Variants in IPO4 observed in about 807,000 individuals in gnomAD.
IPO4 encodes the protein importin 4, also known as importin-4.
A neutral mutation model predicts 133.5 loss-of-function variants in IPO4; 91 were observed. The observed-to-expected ratio is 0.68, with a 90% CI of 0.58 to 0.81. IPO4 has a LOEUF of 0.81. IPO4 is among the 30% of genes least tolerant of loss of function. The probability of loss-of-function intolerance (pLI) is 0.00; values close to 1 mark genes in which losing one functional copy is unlikely to be tolerated. For missense variants in IPO4, 1,279 were observed against 1,386.2 expected (o/e 0.92, Z 1.23); for synonymous variants, 607 against 581.6 (o/e 1.04, Z -0.63).
At chr14:24,184,607 C>T (rs554715093) in intron 16 of IPO4, 43 bp downstream of exon 16, 2 of 1,492,280 alleles carry the variant, frequency 1.3e-6, no homozygotes. Context: ...AGCACCAGCC[C>T]TTTGCTGGCA....
chr14:24,186,404 G>C lies in IPO4; in HGVS notation c.888C>G (p.Phe296Leu), dbSNP rs1210051189. The C allele has an allele frequency of 6.2e-7, 1 of 1,611,010 alleles. No individual in the cohort carries two copies. The highest frequency in any genetic ancestry group is 1.1e-5 in the South Asian group (1 of 90,684). The change falls in exon 10 of 30, where the codon TTC becomes TTG. Residue 296 changes from phenylalanine to leucine, a missense_variant. Physicochemically the swap from Phe to Leu is conservative, Grantham distance 22. This residue lies in a region of IPO4 where 695 missense variants were observed against 704.1 expected (regional missense o/e 0.99). Coordinates refer to ENST00000354464, the MANE Select transcript of IPO4 (RefSeq NM_024658.4). ...GTGGGGGCTCAGCAGCCACAATGGG[G>C]AAAAGGGTGTGCAGCAAGGGTGGCA... ...RLLPPLLHTL[F>L]PIVAAEPPPG... is the part of the protein sequence containing the mutation.
Position 24,183,136 on chromosome 14 carries a change from G to C in IPO4, c.2261C>G (p.Ser754Cys), listed in dbSNP as rs761004650. 1 of 1,613,598 alleles carries C rather than the reference G, an allele frequency of 6.2e-7. No individual in the cohort carries two copies. Among genetic ancestry groups the C allele is most frequent in the African/African-American group, 1.3e-5 (1 of 74,910 alleles). Residue 754 changes from serine to cysteine, a missense_variant, in exon 23 of 30, where the codon TCC becomes TGC. Physicochemically the swap from Ser to Cys is moderately radical, Grantham distance 112. Coordinates refer to ENST00000354464, the MANE Select transcript of IPO4 (RefSeq NM_024658.4). The stretch of plus-strand genomic sequence containing the variant: ...CTCCCTGTTCACTGCCTGCATGTAG[G>C]ATGGCACGACTCGGGCCAGGGCAGC... ...LQAALARVVPSYMQAVNRERE... is the reference protein window; with the variant it reads ...LQAALARVVPCYMQAVNRERE...
chr14:24,187,847 A>C (rs1363814020), intron 4 of IPO4, 51 bp from the exon 5 acceptor site: 1 of 1,607,178 alleles, frequency 6.2e-7, no homozygotes, highest in Non-Finnish European at 8.5e-7. Flanking sequence ...CTTCCTCTGC[A>C]CACAGTGGCC....
chr14:24,182,867 G>A (rs968196705), intron 23 of IPO4, 25 bp from the exon 24 acceptor site: 14 of 1,612,194 alleles, frequency 8.7e-6, no homozygotes, highest in Admixed American at 5.0e-5. Context: ...TCAACTTAGC[G>A]GAGCTTTCAC....
rs372030557 is a variant in IPO4 at position 24,183,450 on chromosome 14, G to A, written c.2121+6C>T. On this transcript the variant is annotated splice_donor_region_variant and intron_variant, in intron 21 of 29. Transcript: ENST00000354464. ...CCCCACCCACTCCACCCGCCGGCCC[G>A]CTCACCTCCAGCAGTTTAAATACTT... is the stretch of plus-strand genomic sequence containing the variant. The A allele has an allele frequency of 1.5e-4, 243 of 1,608,504 alleles. No homozygotes were observed. The highest frequency in any genetic ancestry group is 1.9e-4 in the Non-Finnish European group (218 of 1,176,728).
rs1318859418 is a variant in IPO4 at position 24,184,641 on chromosome 14, C to T, written c.1636+9G>A. On this transcript the variant is annotated intron_variant, in intron 16 of 29. Transcript: ENST00000354464. The stretch of plus-strand genomic sequence containing the variant: ...CACTGGGAGCCCCACCTGGGAACCT[C>T]TCACTCACCCAGGCTCTGGATCTGC... 4 of 1,573,092 alleles carry T rather than the reference C, an allele frequency of 2.5e-6. No individual in the cohort carries two copies. Among genetic ancestry groups the T allele is most frequent in the African/African-American group, 2.7e-5 (2 of 73,938 alleles).
Position 24,184,333 on chromosome 14 carries a change from G to A in IPO4, c.1722C>T (p.Cys574=), listed in dbSNP as rs61752843. The change falls in exon 17 of 30, where the codon TGC becomes TGT. Residue 574 remains cysteine, a synonymous_variant. Transcript: ENST00000354464. ...EECCQLGLGL[C]DQVDDPDLRR... ...GCAAGTCAGGGTCGTCTACCTGGTC[G>A]CAGAGGCCCAGACCCAGCTGGCAGC... 92 of 1,590,012 alleles carry A rather than the reference G, an allele frequency of 5.8e-5. No homozygotes were observed. Among genetic ancestry groups the A allele is most frequent in the Non-Finnish European group, 7.0e-5 (82 of 1,168,450 alleles).
At chr14:24,184,546 G>A (rs2039190138) in intron 16 of IPO4, 104 bp downstream of exon 16, 5 of 1,416,100 alleles carry the variant, frequency 3.5e-6, no homozygotes, top group South Asian at 1.4e-5. Flanking sequence ...CCCCTTTGAT[G>A]AGAAGGAAGA....
chr14:24,184,150 C>G, intron 17 of IPO4, 41 bp from the exon 18 acceptor site: 2 of 1,577,924 alleles, frequency 1.3e-6, no homozygotes, highest in Non-Finnish European at 1.7e-6. Flanking sequence ...GTCCTGCCTG[C>G]TACCACCAGG....
chr14:24,180,428 C>G lies in IPO4; in HGVS notation c.*14G>C. On this transcript the variant is annotated 3_prime_UTR_variant, in exon 30 of 30. Transcript: ENST00000354464. The stretch of plus-strand genomic sequence containing the variant: ...GCAGGCTCTATTCTCTCTGGACTGG[C>G]TGCAGCCTGCAGTCTAGGAGAGGCC... The G allele has an allele frequency of 6.2e-7, 1 of 1,601,772 alleles. No homozygotes were observed. The highest frequency in any genetic ancestry group is 8.5e-7 in the Non-Finnish European group (1 of 1,171,192).
chr14:24,182,603 C>T, intron 24 of IPO4, 189 bp downstream of exon 24: 1 of 938,242 alleles, frequency 1.1e-6, no homozygotes, highest in Non-Finnish European at 1.7e-6. Flanking sequence ...AAGCACACCC[C>T]AGTCCACACT....
Position 24,180,539 on chromosome 14 carries a change from A to G in IPO4, c.3149T>C (p.Phe1050Ser), listed in dbSNP as rs1438987136. 1 of 1,614,122 alleles carries G rather than the reference A, an allele frequency of 6.2e-7. No homozygotes were observed. The highest frequency in any genetic ancestry group is 1.7e-5 in the Admixed American group (1 of 60,022). ...GCTGTCGGTGTGCTGTTTGGCCAGG[A>G]ACGTCAGGAGCAGCAACAGTGCGGC... ...TKAALLLLLT[F>S]LAKQHTDSFQ... The change falls in exon 30 of 30, where the codon TTC (phenylalanine) becomes TCC (serine). Residue 1050 changes from phenylalanine to serine, a missense_variant. This residue lies in a region of IPO4 where 575 missense variants were observed against 653.4 expected (regional missense o/e 0.88). Coordinates refer to ENST00000354464, the MANE Select transcript of IPO4 (RefSeq NM_024658.4).
Position 24,185,522 on chromosome 14 carries a change from G to A in IPO4, c.1215C>T (p.Asp405=). 2 of 1,614,174 alleles carry A rather than the reference G, an allele frequency of 1.2e-6. No individual in the cohort carries two copies. Among genetic ancestry groups the A allele is most frequent in the East Asian group, 4.5e-5 (2 of 44,890 alleles). The change falls in exon 13 of 30, where the codon GAC becomes GAT. Residue 405 remains aspartate, a synonymous_variant. Coordinates refer to ENST00000354464, the MANE Select transcript of IPO4 (RefSeq NM_024658.4). ...LLQIVCKGLE[D]PSQVVRNAAL... ...CAGCATTGCGTACAACTTGCGAGGG[G>A]TCCTCCAGGCCCTTGCACACAATCT...
In IPO4 at chr14:24,183,769, G is replaced by A; in HGVS notation, c.1985+14C>T. 3 of 1,614,160 alleles carry A rather than the reference G, an allele frequency of 1.9e-6. No homozygotes were observed. Among genetic ancestry groups the A allele is most frequent in the Non-Finnish European group, 2.5e-6 (3 of 1,180,036 alleles). ...AAAGTCTAGATTCCTGATCAGAAGA[G>A]CACCCCTCCGCACCCTGAGATCTCT... On this transcript the variant is annotated intron_variant, in intron 19 of 29. Coordinates refer to ENST00000354464, the MANE Select transcript of IPO4 (RefSeq NM_024658.4).
chr14:24,183,788 G>T lies in IPO4; in HGVS notation c.1980C>A (p.Ile660=), dbSNP rs1231785088. The part of the protein sequence containing the change: ...EDVEEEDDSE[I]SGYSVENAFF... ...AGAAGAGCACCCCTCCGCACCCTGAGATCTCTGAGTCATCCTCTTCTTCCA... is the reference window on the plus strand; with the variant it reads ...AGAAGAGCACCCCTCCGCACCCTGATATCTCTGAGTCATCCTCTTCTTCCA... The change falls in exon 19 of 30, where the codon ATC becomes ATA. Residue 660 remains isoleucine, a synonymous_variant. Coordinates refer to ENST00000354464, the MANE Select transcript of IPO4 (RefSeq NM_024658.4). The T allele has an allele frequency of 1.2e-6, 2 of 1,614,070 alleles. No individual in the cohort carries two copies. Among genetic ancestry groups the T allele is most frequent in the Non-Finnish European group, 1.7e-6 (2 of 1,180,046 alleles).
In IPO4 at chr14:24,182,813, C is replaced by A. The variant is rs758866031; in HGVS notation, c.2451G>T (p.Glu817Asp). Reference protein sequence around the residue: ...KTACQDTDEEEEEEDDDQAEY... With the variant: ...KTACQDTDEEDEEEDDDQAEY... Reference sequence around the variant, plus strand: ...TCACCTGATCATCATCTTCCTCTTCCTCCTCCTCGTCAGTATCCTGACAGG... The same window carrying A: ...TCACCTGATCATCATCTTCCTCTTCATCCTCCTCGTCAGTATCCTGACAGG... The change falls in exon 24 of 30, where the codon GAG (glutamate) becomes GAT (aspartate). Residue 817 changes from glutamate (E) to aspartate (D), a missense_variant. Physicochemically the swap from Glu to Asp is conservative, Grantham distance 45. Transcript: ENST00000354464. 6.2e-7 allele frequency: 1 copy of A among 1,613,892 alleles called. No individual in the cohort carries two copies. Among genetic ancestry groups the A allele is most frequent in the Admixed American group, 1.7e-5 (1 of 60,018 alleles).
At chr14:24,185,639 C>A in intron 12 of IPO4, 72 bp from the exon 13 acceptor site, 1 of 1,404,328 alleles carries the variant, frequency 7.1e-7, no homozygotes, top group Non-Finnish European at 1.0e-6. Context: ...CTGTTCTCTT[C>A]ATTTTCCCTG....
At chr14:24,182,498 G>A (rs1460453108) in intron 24 of IPO4, 95 bp from the exon 25 acceptor site, 9 of 1,508,624 alleles carry the variant, frequency 6.0e-6, no homozygotes, top group Non-Finnish European at 8.1e-6. Context: ...GGGTCCCTGG[G>A]GCTGCCCTTG....
At position 24,181,850 on chromosome 14, in the gene IPO4, C is replaced by T. The variant is rs1356811532; in HGVS notation, c.2808-7G>A. The T allele has an allele frequency of 6.3e-7, 1 of 1,598,438 alleles. No homozygotes were observed. Among genetic ancestry groups the T allele is most frequent in the South Asian group, 1.1e-5 (1 of 89,238 alleles). ...CAGCAGCTTGGGGAAGTGTCTGGTC[C>T]ACAGTCAAGGAATGGCCACACGCTC... On this transcript the variant is annotated splice_polypyrimidine_tract_variant and splice_region_variant and intron_variant, in intron 26 of 29. Coordinates refer to ENST00000354464, the MANE Select transcript of IPO4 (RefSeq NM_024658.4).
Sources: allele counts gnomAD v4.1 joint callset, GRCh38; gene constraint gnomAD v4.1.1; regional missense constraint gnomAD v4.1.1; transcripts MANE v1.5; gene names NCBI Gene and HGNC (gene_info 2026-07-23, HGNC 2026-07-21).